SDHAF3: variants seen among roughly 807,000 people sequenced by gnomAD.
SDHAF3 encodes succinate dehydrogenase assembly factor 3, mitochondrial.
Under a neutral mutation model 11.5 loss-of-function variants are expected in SDHAF3, and 18 were observed. The observed-to-expected ratio is 1.56, with a 90% CI of 1.08 to 2.32. SDHAF3 has a LOEUF of 2.32. Ranked by LOEUF, SDHAF3 falls within the 30% of genes most tolerant of loss-of-function variation. The probability of loss-of-function intolerance (pLI) is 0.00; values close to 1 mark genes in which losing one functional copy is unlikely to be tolerated. For synonymous variants in SDHAF3, 72 were observed against 59.3 expected (o/e 1.21, Z -0.99); for missense variants, 200 against 154.4 (o/e 1.30, Z -1.57).
At chr7:97,149,251 G>T (rs1292006191) in intron 1 of SDHAF3, among the ~76,000 whole-genome samples, 1 of 151,920 alleles carries the variant, frequency 6.6e-6, no homozygotes, top group South Asian at 2.1e-4. Flanking sequence ...TGTGTCTTTT[G>T]ATATACATTT....
intron 1 of SDHAF3, among the ~76,000 whole-genome samples, chr7:97,148,883 CA>C (rs1405707560): frequency 5.3e-5 from 8 of 150,320 alleles, no homozygotes; most frequent in African/African-American, 2.0e-4. Context: ...TCTCCATGTA[CA>C]GTAATTTAAA....
At chr7:97,162,316 T>G (rs1789426788) in intron 1 of SDHAF3, among the ~76,000 whole-genome samples, 1 of 152,168 alleles carries the variant, frequency 6.6e-6, no homozygotes, top group Non-Finnish European at 1.5e-5. Context: ...CTTTGTAGAT[T>G]CTGGATATTA....
At chr7:97,127,076 TC>T (rs1376050140) in intron 1 of SDHAF3, among the ~76,000 whole-genome samples, 3 of 152,184 alleles carry the variant, frequency 2.0e-5, no homozygotes, top group African/African-American at 2.4e-5. Flanking sequence ...TCCTTGCGCT[TC>T]CTGGGTGAGG....
chr7:97,161,421 T>C (rs1251172129), intron 1 of SDHAF3, among the ~76,000 whole-genome samples: 1 of 152,210 alleles, frequency 6.6e-6, no homozygotes, highest in Non-Finnish European at 1.5e-5. Context: ...AGTAAGTTTC[T>C]CTGCTGGTTT....
intron 1 of SDHAF3, among the ~76,000 whole-genome samples, chr7:97,145,929 A>G (rs958567851): frequency 7.2e-5 from 11 of 152,146 alleles, no homozygotes; most frequent in African/African-American, 2.7e-4. Context: ...CATCAAACAC[A>G]TGATTGTTTT....
chr7:97,146,786 AC>A (rs1789141429), intron 1 of SDHAF3, among the ~76,000 whole-genome samples: 1 of 147,236 alleles, frequency 6.8e-6, no homozygotes, highest in Admixed American at 6.8e-5. Context: ...TTTAATAGGT[AC>A]CTTTTTTTTT....
At position 97,136,125 on chromosome 7, in the gene SDHAF3, C is replaced by T. The variant is rs550196383; in HGVS notation, c.174+18228C>T. The stretch of plus-strand genomic sequence containing the variant: ...TTAATGTTTCACCTGCAATATTTGT[C>T]GAGCTGTTAGGACAAAGACTAATAG... On this transcript the variant is annotated intron_variant, in intron 1 of 1. Coordinates refer to ENST00000432641, the MANE Select transcript of SDHAF3 (RefSeq NM_020186.3). Among the ~76,000 whole-genome samples the T allele has an allele frequency of 5.7e-4, 86 of 152,048 alleles. 1 individual carries two copies. Among genetic ancestry groups the T allele is most frequent in the African/African-American group, 2.0e-3 (82 of 41,426 alleles).
chr7:97,164,177 C>T (rs1447009144), intron 1 of SDHAF3, among the ~76,000 whole-genome samples: 1 of 151,854 alleles, frequency 6.6e-6, no homozygotes, highest in East Asian at 1.9e-4. Context: ...ATCTCCTCTC[C>T]CTCCTCAGCC....
intron 1 of SDHAF3, among the ~76,000 whole-genome samples, chr7:97,172,580 G>A (rs1789617342): frequency 6.6e-6 from 1 of 152,060 alleles, no homozygotes; most frequent in South Asian, 2.1e-4. Context: ...TTGTATGTCA[G>A]TTATATAAGG....
intron 1 of SDHAF3, among the ~76,000 whole-genome samples, chr7:97,148,311 G>A (rs146692805): frequency 2.5e-3 from 386 of 152,234 alleles, no homozygotes; most frequent in African/African-American, 8.9e-3. Flanking sequence ...GAAGCGGGAG[G>A]GCCACTTGAA....
At chr7:97,150,722 C>T (rs912480238) in intron 1 of SDHAF3, among the ~76,000 whole-genome samples, 34 of 151,870 alleles carry the variant, frequency 2.2e-4, no homozygotes, top group African/African-American at 7.5e-4. Context: ...CACCACCACA[C>T]CCGGATAATT....
At chr7:97,118,734 C>G (rs1425193095) in intron 1 of SDHAF3, among the ~76,000 whole-genome samples, 1 of 151,932 alleles carries the variant, frequency 6.6e-6, no homozygotes, top group Non-Finnish European at 1.5e-5. Context: ...TAGAGGTAAG[C>G]GGTTCTTCGG....
intron 1 of SDHAF3, among the ~76,000 whole-genome samples, chr7:97,122,343 A>G (rs1791514654): frequency 6.6e-6 from 1 of 152,198 alleles, no homozygotes. Context: ...ATTACATTCT[A>G]GAAAGATCAT....
chr7:97,163,553 G>C (rs566559042), intron 1 of SDHAF3, among the ~76,000 whole-genome samples: 1 of 152,166 alleles, frequency 6.6e-6, no homozygotes. Context: ...GTCCTTGCAC[G>C]TGAGATGGAT....
In SDHAF3 at chr7:97,181,288, T is replaced by A. The variant is rs1270082820; in HGVS notation, c.*73T>A. The A allele has an allele frequency of 6.8e-6, 8 of 1,168,952 alleles. No homozygotes were observed. Among genetic ancestry groups the A allele is most frequent in the Non-Finnish European group, 9.6e-6 (8 of 832,604 alleles). 72.4% of individuals were successfully genotyped at this position (1,168,952 alleles called of 1,614,324 possible). ...CTTTAACTGTCATTGGTTTTTGAAA[T>A]ATATTTAAGCTTTGAAAACACCTGT... On this transcript the variant is annotated 3_prime_UTR_variant, in exon 2 of 2. Transcript: ENST00000432641.
chr7:97,125,995 A>C (rs1268169800), intron 1 of SDHAF3, among the ~76,000 whole-genome samples: 1 of 152,014 alleles, frequency 6.6e-6, no homozygotes, highest in Non-Finnish European at 1.5e-5. Flanking sequence ...GTTTTGTGTG[A>C]GGGTCTTTTT....
chr7:97,177,556 C>T (rs1789699858), intron 1 of SDHAF3, among the ~76,000 whole-genome samples: 1 of 152,216 alleles, frequency 6.6e-6, no homozygotes, highest in African/African-American at 2.4e-5. Flanking sequence ...GCAGTAACCT[C>T]TTTTCTTGGA....
chr7:97,128,279 T>C (rs1034650689), intron 1 of SDHAF3, among the ~76,000 whole-genome samples: 2 of 152,238 alleles, frequency 1.3e-5, no homozygotes, highest in African/African-American at 4.8e-5. Context: ...TGTTTTCTAC[T>C]TTTTCATGTC....
chr7:97,130,396 C>G (rs1409860964), intron 1 of SDHAF3, among the ~76,000 whole-genome samples: 1 of 152,142 alleles, frequency 6.6e-6, no homozygotes, highest in Non-Finnish European at 1.5e-5. Context: ...CTGCAGCCTA[C>G]CAAACTGGGG....
Sources: allele counts gnomAD v4.1 joint callset (sites outside exome capture counted in the v4.1 genomes callset), GRCh38; gene constraint gnomAD v4.1.1; transcripts MANE v1.5; gene names NCBI Gene and HGNC (gene_info 2026-07-23, HGNC 2026-07-21).